ATP2B2: variants seen among roughly 807,000 people sequenced by gnomAD.
The protein encoded by ATP2B2 is ATPase plasma membrane Ca2+ transporting 2.
In ATP2B2, 15 loss-of-function variants were observed where a neutral mutation model predicts 120.0. The observed-to-expected ratio is 0.12, with a 90% CI of 0.08 to 0.19. ATP2B2 has a LOEUF of 0.19. Ranked by LOEUF, ATP2B2 falls within the 10% of genes least tolerant of loss-of-function variation. ATP2B2 has a pLI of 1.00. For synonymous variants in ATP2B2, 694 were observed against 700.3 expected (o/e 0.99, Z 0.14); for missense variants, 1,045 against 1,719.8 (o/e 0.61, Z 6.94).
intron 2 of ATP2B2, among the ~76,000 whole-genome samples, chr3:10,566,847 G>A: frequency 6.6e-6 from 1 of 152,162 alleles, no homozygotes; most frequent in East Asian, 1.9e-4. Context: ...TTCCTTGATT[G>A]TCTAATTCCT....
At chr3:10,618,126 G>A (rs2013114) in intron 2 of ATP2B2, among the ~76,000 whole-genome samples, 78,140 of 152,176 alleles carry the variant, frequency 0.51, 23,090 homozygotes, top group Non-Finnish European at 0.66. Flanking sequence ...TTTTACAAAC[G>A]TAATGTTATT....
intron 1 of ATP2B2, among the ~76,000 whole-genome samples, chr3:10,678,289 G>A (rs1204291205): frequency 1.3e-5 from 2 of 152,208 alleles, no homozygotes; most frequent in African/African-American, 4.8e-5. Flanking sequence ...CTGAAACATC[G>A]TGCCTTCATC....
In ATP2B2 at chr3:10,340,437, G is replaced by C. The variant is rs2060242201; in HGVS notation, c.3129+56C>G. 1 of 1,613,728 alleles carries C rather than the reference G, an allele frequency of 6.2e-7. No individual in the cohort carries two copies. Among genetic ancestry groups the C allele is most frequent in the East Asian group, 2.2e-5 (1 of 44,852 alleles). On this transcript the variant is annotated intron_variant, in intron 20 of 22. Transcript: ENST00000360273. This position sits in a 1 kb window ranked among gnomAD's most constrained non-coding sequence, Gnocchi z 5.0. ...GCTGGGCTCTCAGGGTCCTGCCCAG[G>C]GGCTCCAGCCGCTTGCTGCCCACCC...
intron 5 of ATP2B2, 76 bp from the exon 6 acceptor site, chr3:10,388,478 CTCAG>C: frequency 4.4e-6 from 7 of 1,605,600 alleles, no homozygotes; most frequent in Non-Finnish European, 6.0e-6. Flanking sequence ...AAAATGTGGT[CTCAG>C]TCAGCTCCTG....
chr3:10,587,984 G>C (rs1575528444), intron 2 of ATP2B2, among the ~76,000 whole-genome samples: 1 of 152,126 alleles, frequency 6.6e-6, no homozygotes, highest in South Asian at 2.1e-4. Flanking sequence ...TAAAAAAGAG[G>C]AAAATAAGAA....
At chr3:10,486,397 G>C (rs1466558667) in intron 1 of ATP2B2, among the ~76,000 whole-genome samples, 1 of 151,674 alleles carries the variant, frequency 6.6e-6, no homozygotes, top group African/African-American at 2.4e-5. Flanking sequence ...GTCAGGATCA[G>C]CCCCAAATTC....
Position 10,515,029 on chromosome 3 carries a change from T to G in ATP2B2, c.-320+19010A>C, listed in dbSNP as rs76990842. On this transcript the variant is annotated intron_variant, in intron 3 of 21. Coordinates refer to the ATP2B2 transcript ENST00000646379. ...AATAAAAGAAGGGTATGGAAGGATC[T>G]CTGTAAACTGTAAGTAGATTCTCAG... is the stretch of plus-strand genomic sequence containing the variant. Among the ~76,000 whole-genome samples the G allele has an allele frequency of 2.3e-3, 357 of 152,332 alleles. 6 individuals carry two copies. In the East Asian group the frequency reaches 0.033, roughly 14 times the overall value.
chr3:10,455,362 C>G (rs755273342), intron 1 of ATP2B2, among the ~76,000 whole-genome samples: 1 of 152,240 alleles, frequency 6.6e-6, no homozygotes, highest in Admixed American at 6.5e-5. Flanking sequence ...CAGGCTCTTG[C>G]TGCCTCATCC....
intron 1 of ATP2B2, among the ~76,000 whole-genome samples, chr3:10,634,304 A>G (rs2069958368): frequency 1.3e-5 from 2 of 152,234 alleles, no homozygotes; most frequent in African/African-American, 4.8e-5. Context: ...TCTCACTGTC[A>G]GTTGGTGGCA....
chr3:10,608,971 T>C (rs976950411), intron 2 of ATP2B2, among the ~76,000 whole-genome samples: 12 of 152,186 alleles, frequency 7.9e-5, no homozygotes, highest in Admixed American at 5.2e-4. Flanking sequence ...TATAACCCCC[T>C]TGCCTTGACT....
chr3:10,653,403 A>C (rs1346430450), intron 1 of ATP2B2, among the ~76,000 whole-genome samples: 2 of 152,160 alleles, frequency 1.3e-5, no homozygotes, highest in African/African-American at 4.8e-5. Context: ...GGACTCAACC[A>C]CACCTGATGG....
rs146403314 is a variant in ATP2B2 at position 10,388,218 on chromosome 3, CA to C, written c.907+58del. On this transcript the variant is annotated intron_variant, in intron 6 of 22. Coordinates refer to ENST00000360273, the MANE Select transcript of ATP2B2 (RefSeq NM_001001331.4). ...CTATTTTGTTGAGTGAACAAATAAA[CA>C]AAAAAAAAATGTGGCCTTAAGAGCT... The C allele has an allele frequency of 1.6e-3, 2,169 of 1,398,954 alleles. 2 individuals carry two copies. Among genetic ancestry groups the C allele is most frequent in the South Asian group, 3.2e-3 (264 of 81,940 alleles). The allele number at this position is 1,398,954 out of a possible 1,614,324, so 86.7% of individuals were successfully genotyped here. A position where few individuals can be genotyped will look rare whatever the true frequency, so the allele number is the denominator to read the frequency against.
rs1407405010 is a variant in ATP2B2, at chr3:10,505,561, C to A, written c.-416G>T. 6.8e-6 allele frequency: 1 copy of A among 147,210 alleles called. No homozygotes were observed. Among genetic ancestry groups the A allele is most frequent in the South Asian group, 2.2e-4 (1 of 4,476 alleles). 9.1% of individuals were successfully genotyped at this position (147,210 alleles called of 1,614,324 possible). A position where few individuals can be genotyped will look rare whatever the true frequency, so the allele number is the denominator to read the frequency against. On this transcript the variant is annotated 5_prime_UTR_variant, in exon 1 of 23. Transcript: ENST00000360273. ...TGGTGCCGCGGCTGAGCCCAGCCAG[C>A]GTGCCCGGGCCCCTCTGCAGACTGT...
rs566189439 is a variant in ATP2B2, at chr3:10,368,217, T to C, written c.1659+3592A>G. On this transcript the variant is annotated intron_variant, in intron 12 of 22. Coordinates refer to ENST00000360273, the MANE Select transcript of ATP2B2 (RefSeq NM_001001331.4). ...TTTTTCAGTAAAAGACATCGGCTAA[T>C]TGGGAGGTCTATGGATCAATGCTGC... Among the ~76,000 whole-genome samples, 4 of 152,136 alleles carry C rather than the reference T, an allele frequency of 2.6e-5. No individual in the cohort carries two copies. The South Asian group carries it at 6.2e-4, about 24-fold the overall frequency.
At chr3:10,453,977 C>T (rs764082962) in intron 1 of ATP2B2, among the ~76,000 whole-genome samples, 4 of 151,274 alleles carry the variant, frequency 2.6e-5, no homozygotes, top group Non-Finnish European at 4.4e-5. Flanking sequence ...TGCACTCGCT[C>T]ACTCACTGAC....
intron 1 of ATP2B2, among the ~76,000 whole-genome samples, chr3:10,703,813 GAGGGCCC>G (rs2071855463): frequency 6.6e-6 from 1 of 152,208 alleles, no homozygotes; most frequent in Non-Finnish European, 1.5e-5. Flanking sequence ...ACTGGCCCAT[GAGGGCCC>G]CTTTCATAAA....
intron 3 of ATP2B2, among the ~76,000 whole-genome samples, chr3:10,524,695 C>T (rs1053614583): frequency 6.6e-6 from 1 of 152,152 alleles, no homozygotes; most frequent in Non-Finnish European, 1.5e-5. Flanking sequence ...ACCTGAACAG[C>T]CCTCTAAGGA....
intron 1 of ATP2B2, among the ~76,000 whole-genome samples, chr3:10,641,165 G>C (rs1410149297): frequency 1.3e-5 from 2 of 152,222 alleles, no homozygotes; most frequent in Non-Finnish European, 2.9e-5. Context: ...CAGGGGTGCA[G>C]GTAGAAGATG....
chr3:10,627,528 C>A (rs1474198780), intron 1 of ATP2B2, among the ~76,000 whole-genome samples: 1 of 152,072 alleles, frequency 6.6e-6, no homozygotes, highest in African/African-American at 2.4e-5. Flanking sequence ...GCTATGTGAC[C>A]CTGGGCCAGT....
Sources: allele counts gnomAD v4.1 joint callset (sites outside exome capture counted in the v4.1 genomes callset), GRCh38; gene constraint gnomAD v4.1.1; non-coding constraint Gnocchi (gnomAD v3.1); transcripts MANE v1.5; gene names NCBI Gene and HGNC (gene_info 2026-07-23, HGNC 2026-07-21).